CIB3: variants seen among roughly 807,000 people sequenced by gnomAD.
The protein encoded by CIB3 is calcium and integrin binding family member 3.
A neutral mutation model predicts 23.4 loss-of-function variants in CIB3; 22 were observed. The observed-to-expected ratio is 0.94, with a 90% confidence interval of 0.67 to 1.34. CIB3 has a LOEUF of 1.34. Among genes scored for constraint, CIB3 ranks in the 40% most tolerant of loss-of-function variants. CIB3 has a pLI of 0.00. For missense variants in CIB3, 258 were observed against 247.3 expected (o/e 1.04, Z -0.29); for synonymous variants, 93 against 95.8 (o/e 0.97, Z 0.17).
At chr19:16,163,845 C>T (rs2091294811) in intron 5 of CIB3, among the ~76,000 whole-genome samples, 1 of 152,048 alleles carries the variant, frequency 6.6e-6, no homozygotes, top group Non-Finnish European at 1.5e-5. Flanking sequence ...CAGCCATAGA[C>T]AAAATGTACA....
In CIB3 at chr19:16,164,775, C is replaced by A. The variant is rs1208495713; in HGVS notation, c.485G>T (p.Gly162Val). The change falls in exon 5 of 6, where the codon GGG (glycine) becomes GTG (valine). Residue 162 changes from glycine to valine, a missense_variant. Coordinates refer to ENST00000269878, the MANE Select transcript of CIB3 (RefSeq NM_054113.4). ...VLDEADGDHD[G>V]RLSLEDFQNM... is the part of the protein sequence containing the mutation. ...CTGGAAATCTTCCAGGGACAGCCGC[C>A]CATCATGGTCTCCATCAGCCTCATC... The A allele has an allele frequency of 2.5e-6, 4 of 1,613,930 alleles. No individual in the cohort carries two copies. Among genetic ancestry groups the A allele is most frequent in the Non-Finnish European group, 3.4e-6 (4 of 1,180,008 alleles).
intron 5 of CIB3, 132 bp from the exon 6 acceptor site, chr19:16,161,618 C>G (rs2091285188): frequency 1.2e-6 from 1 of 867,342 alleles, no homozygotes; most frequent in South Asian, 1.4e-5. Flanking sequence ...TCAAACAACC[C>G]TAGGCCGGGA....
intron 5 of CIB3, among the ~76,000 whole-genome samples, chr19:16,162,727 C>T (rs748814685): frequency 1.3e-5 from 2 of 151,830 alleles, no homozygotes; most frequent in Non-Finnish European, 2.9e-5. Flanking sequence ...TGCACTCCAT[C>T]CTGGGTGACA....
In CIB3 at chr19:16,169,693, G is replaced by A; in HGVS notation, c.135C>T (p.Asp45=). The part of the protein sequence containing the change: ...QDLAPQLVPL[D]YTTCPDVKVP... ...CCTTCACATCGGGGCAGGTGGTATA[G>A]TCGAGGGGCACGAGCTGTGGGGCCA... The change falls in exon 3 of 6, where the codon GAC becomes GAT. Residue 45 remains aspartate, a synonymous_variant. Coordinates refer to ENST00000269878, the MANE Select transcript of CIB3 (RefSeq NM_054113.4). 1 of 1,613,718 alleles carries A rather than the reference G, an allele frequency of 6.2e-7. No homozygotes were observed. Among genetic ancestry groups the A allele is most frequent in the Non-Finnish European group, 8.5e-7 (1 of 1,179,726 alleles).
chr19:16,165,030 A>T, intron 4 of CIB3, 117 bp from the exon 5 acceptor site: 1 of 856,148 alleles, frequency 1.2e-6, no homozygotes, highest in Non-Finnish European at 1.9e-6. Flanking sequence ...ACGGTGGCTC[A>T]CGCCTGTAAT....
intron 2 of CIB3, 76 bp downstream of exon 2, chr19:16,173,072 ACACACACACACACC>A: frequency 6.7e-7 from 1 of 1,490,192 alleles, no homozygotes; most frequent in Non-Finnish European, 9.4e-7. Context: ...ACACACACAC[ACACACACACACACC>A]AAATTGCAAA....
intron 5 of CIB3, among the ~76,000 whole-genome samples, chr19:16,162,237 T>C (rs1168478017): frequency 8.5e-6 from 1 of 117,468 alleles, no homozygotes; most frequent in Non-Finnish European, 1.7e-5. Context: ...CAAGACCTTG[T>C]CTCCACAAAA....
At chr19:16,169,531 T>C (rs2091319101) in intron 3 of CIB3, 99 bp downstream of exon 3, 2 of 1,083,128 alleles carry the variant, frequency 1.8e-6, no homozygotes, top group Non-Finnish European at 2.7e-6. Context: ...AGTTTTCTTA[T>C]CTTTAAAATG....
chr19:16,164,934 G>T (rs1439502785), intron 4 of CIB3, 21 bp from the exon 5 acceptor site: 2 of 1,609,548 alleles, frequency 1.2e-6, no homozygotes, highest in Non-Finnish European at 8.5e-7. Flanking sequence ...GGATGGATGG[G>T]GAGTGACAGC....
intron 4 of CIB3, among the ~76,000 whole-genome samples, chr19:16,166,517 CTTT>C (rs1017651417): frequency 2.0e-5 from 3 of 152,050 alleles, no homozygotes; most frequent in African/African-American, 7.2e-5. Flanking sequence ...TCAAAAAGTA[CTTT>C]TTAACTGCTT....
Position 16,173,041 on chromosome 19 carries a change from T to TACACACAC in CIB3, c.86+113_86+120dup, listed in dbSNP as rs3076227. ...GAGAAAGAAAGAAAGAAAGACTACTTACACACACACACACACACACACACA... is the reference window on the plus strand; with the variant it reads ...GAGAAAGAAAGAAAGAAAGACTACTTACACACACACACACACACACACACACACACACA... On this transcript the variant is annotated intron_variant, in intron 2 of 5. Coordinates refer to ENST00000269878, the MANE Select transcript of CIB3 (RefSeq NM_054113.4). The TACACACAC allele has an allele frequency of 6.4e-3, 4,981 of 783,566 alleles. 62 individuals are homozygous for TACACACAC. The highest frequency in any genetic ancestry group is 0.038 in the African/African-American group (1,880 of 50,104). The allele number at this position is 783,566 out of a possible 1,614,324, so 48.5% of individuals were successfully genotyped here.
At chr19:16,170,266 G>A (rs746119761) in intron 2 of CIB3, among the ~76,000 whole-genome samples, 2 of 152,180 alleles carry the variant, frequency 1.3e-5, no homozygotes, top group African/African-American at 2.4e-5. Context: ...ACAGGACAAA[G>A]GGAGACTGGA....
At chr19:16,167,222 C>CA (rs144580957) in intron 4 of CIB3, among the ~76,000 whole-genome samples, 13,889 of 146,584 alleles carry the variant, frequency 0.095, 889 homozygotes, top group African/African-American at 0.18. Context: ...CTTTGTCTCA[C>CA]AAAAAAAAAA....
rs1348288276 is a variant in CIB3, at chr19:16,167,819, C to T, written c.346+318G>A. 2.6e-5 allele frequency among the ~76,000 whole-genome samples: 4 copies of T among 151,740 alleles called. No individual in the cohort carries two copies. In the East Asian group the frequency reaches 5.8e-4, roughly 22 times the overall value. On this transcript the variant is annotated intron_variant, in intron 4 of 5. Transcript: ENST00000269878. ...TGCACTCTAGCCTGGGCAAAAAGAG[C>T]GAAACTCCATCTCAAAAAAATAAAA...
intron 2 of CIB3, among the ~76,000 whole-genome samples, chr19:16,171,747 C>T (rs1214108117): frequency 2.0e-5 from 3 of 152,222 alleles, no homozygotes; most frequent in African/African-American, 7.2e-5. Context: ...GTCTGAGCCT[C>T]AGTTTCCCCA....
intron 5 of CIB3, 47 bp downstream of exon 5, chr19:16,164,671 C>A (rs2091297854): frequency 3.3e-6 from 5 of 1,530,792 alleles, no homozygotes; most frequent in Non-Finnish European, 4.5e-6. Context: ...GCGTAAGAGC[C>A]CCTTCAGATG....
chr19:16,164,450 C>CA (rs1733668756), intron 5 of CIB3, among the ~76,000 whole-genome samples: 1 of 152,124 alleles, frequency 6.6e-6, no homozygotes. Flanking sequence ...ACAGTCTGTT[C>CA]ACTGCAAACT....
chr19:16,165,288 C>T (rs1284769901), intron 4 of CIB3, among the ~76,000 whole-genome samples: 32 of 79,488 alleles, frequency 4.0e-4, no homozygotes, highest in East Asian at 1.8e-3. Context: ...ACAGAAACTC[C>T]GTCCAAAAAA....
At chr19:16,172,288 G>T (rs754761840) in intron 2 of CIB3, among the ~76,000 whole-genome samples, 19 of 152,136 alleles carry the variant, frequency 1.2e-4, no homozygotes, top group Non-Finnish European at 2.6e-4. Context: ...TTGAGTAGCT[G>T]GGATTACAGG....
Sources: gnomAD v4.1 joint callset for allele counts (sites outside exome capture counted in the v4.1 genomes callset) on GRCh38, gnomAD v4.1.1 for gene constraint, MANE v1.5 for transcripts, NCBI Gene and HGNC (gene_info 2026-07-23, HGNC 2026-07-21) for gene names.